The following CORIN variants were observed in gnomAD, a reference collection of about 807,000 sequenced individuals.
The protein encoded by CORIN is atrial natriuretic peptide-converting enzyme.
CORIN carries 117 observed loss-of-function variants against 125.3 expected under a neutral mutation model. The observed-to-expected ratio is 0.93, with a 90% confidence interval of 0.80 to 1.09. The LOEUF is 1.09. Among genes scored for constraint, CORIN ranks in the 50% least tolerant of loss-of-function variants. CORIN has a pLI of 0.00. For synonymous variants in CORIN, 450 were observed against 466.4 expected, an observed-to-expected ratio of 0.96 and a Z score of 0.45; for missense variants, 1,253 against 1,306.7, an observed-to-expected ratio of 0.96 and a Z score of 0.63.
At chr4:47,607,560 C>T (rs1237838150) in intron 19 of CORIN, among the ~76,000 whole-genome samples, 1 of 151,862 alleles carries the variant, frequency 6.6e-6, no homozygotes, top group East Asian at 1.9e-4. Context: ...CCTGTCAACC[C>T]GGGTATGGCA....
chr4:47,753,014 C>G (rs1728972770), intron 4 of CORIN, among the ~76,000 whole-genome samples: 1 of 152,126 alleles, frequency 6.6e-6, no homozygotes, highest in Non-Finnish European at 1.5e-5. Flanking sequence ...ATCGGGGGAA[C>G]CAGCCCCCAA....
intron 16 of CORIN, among the ~76,000 whole-genome samples, chr4:47,628,606 A>C (rs34131087): frequency 6.6e-6 from 1 of 151,728 alleles, no homozygotes; most frequent in Non-Finnish European, 1.5e-5. Flanking sequence ...GTACCCTTTG[A>C]CCATCTCCCC....
intron 19 of CORIN, among the ~76,000 whole-genome samples, chr4:47,619,970 A>G (rs1722241373): frequency 1.3e-5 from 2 of 152,212 alleles, no homozygotes; most frequent in Non-Finnish European, 2.9e-5. Flanking sequence ...TCTTCCAATA[A>G]TTCTGGATCT....
intron 20 of CORIN, among the ~76,000 whole-genome samples, chr4:47,602,011 C>T (rs933293680): frequency 1.3e-5 from 2 of 151,534 alleles, no homozygotes; most frequent in Non-Finnish European, 2.9e-5. Flanking sequence ...GCAGCACTTA[C>T]AGTTTTTTTT....
chr4:47,767,183 TCAA>T (rs1729794155), intron 3 of CORIN, among the ~76,000 whole-genome samples: 1 of 152,022 alleles, frequency 6.6e-6, no homozygotes, highest in Admixed American at 6.6e-5. Flanking sequence ...GAGGATGAAG[TCAA>T]TCTGCCCAGC....
At chr4:47,765,187 G>T (rs567158718) in intron 3 of CORIN, among the ~76,000 whole-genome samples, 15 of 151,582 alleles carry the variant, frequency 9.9e-5, no homozygotes, top group Non-Finnish European at 2.1e-4. Flanking sequence ...GGCGGGCGTT[G>T]TGGGGGGCGT....
At chr4:47,647,750 C>T (rs1305267054) in intron 13 of CORIN, among the ~76,000 whole-genome samples, 2 of 152,110 alleles carry the variant, frequency 1.3e-5, no homozygotes, top group African/African-American at 4.8e-5. Flanking sequence ...TTGTAAGATG[C>T]GAACATGAAG....
At chr4:47,783,308 A>G (rs148832088) in intron 3 of CORIN, among the ~76,000 whole-genome samples, 8 of 152,222 alleles carry the variant, frequency 5.3e-5, no homozygotes, top group Non-Finnish European at 5.9e-5. Flanking sequence ...CCTTTTTCAC[A>G]TTATAATTTG....
intron 1 of CORIN, among the ~76,000 whole-genome samples, chr4:47,825,891 A>G (rs1401784775): frequency 1.3e-5 from 2 of 151,342 alleles, no homozygotes; most frequent in African/African-American, 2.4e-5. Flanking sequence ...TTTAGTAGAG[A>G]CAGGGATTCA....
chr4:47,671,733 C>T (rs1399367105), intron 10 of CORIN, among the ~76,000 whole-genome samples: 10 of 152,088 alleles, frequency 6.6e-5, no homozygotes, highest in African/African-American at 1.7e-4. Context: ...TACAGGCGCC[C>T]GCCACCATGC....
At chr4:47,712,016 G>C (rs1726864662) in intron 5 of CORIN, among the ~76,000 whole-genome samples, 1 of 152,174 alleles carries the variant, frequency 6.6e-6, no homozygotes, top group African/African-American at 2.4e-5. Context: ...ATATAACTTT[G>C]AAATGCAGCC....
chr4:47,646,223 C>A (rs1318574559), intron 13 of CORIN, among the ~76,000 whole-genome samples: 1 of 152,126 alleles, frequency 6.6e-6, no homozygotes, highest in Non-Finnish European at 1.5e-5. Flanking sequence ...GTCTAGTGAT[C>A]TAAATGCATA....
intron 19 of CORIN, among the ~76,000 whole-genome samples, chr4:47,618,952 T>C (rs1290469531): frequency 6.6e-6 from 1 of 152,008 alleles, no homozygotes; most frequent in East Asian, 1.9e-4. Flanking sequence ...AATCAAGACA[T>C]GGGTGACATG....
Position 47,806,958 on chromosome 4 carries a change from C to A in CORIN, c.153G>T (p.Leu51=). 1 of 1,613,914 alleles carries A rather than the reference C, an allele frequency of 6.2e-7. No homozygotes were observed. Among genetic ancestry groups the A allele is most frequent in the Non-Finnish European group, 8.5e-7 (1 of 1,179,836 alleles). The stretch of plus-strand genomic sequence containing the variant: ...GAACGAGAGCACAGATACATGGAAT[C>A]AGGACCAGCAATAGGAACCGGAGGA... ...ANLLRFLLLV[L]IPCICALVLL... Residue 51 remains leucine, a synonymous_variant, in exon 2 of 22, where the codon CTG becomes CTT. Coordinates refer to ENST00000273857, the MANE Select transcript of CORIN (RefSeq NM_006587.4).
chr4:47,668,626 T>C (rs944225456), intron 10 of CORIN, among the ~76,000 whole-genome samples: 2 of 152,224 alleles, frequency 1.3e-5, no homozygotes, highest in Non-Finnish European at 2.9e-5. Context: ...ATACCCTCCG[T>C]TTCTTTCTTT....
At chr4:47,731,737 C>T (rs191214728) in intron 5 of CORIN, among the ~76,000 whole-genome samples, 8 of 152,066 alleles carry the variant, frequency 5.3e-5, no homozygotes, top group African/African-American at 7.2e-5. Context: ...GGTGTGGTGG[C>T]GCACACCTGT....
At chr4:47,657,445 G>A (rs752472634) in intron 12 of CORIN, among the ~76,000 whole-genome samples, 8 of 148,218 alleles carry the variant, frequency 5.4e-5, no homozygotes, top group African/African-American at 7.5e-5. Flanking sequence ...TGAGGCAGGA[G>A]AATGGCGAGA....
chr4:47,662,755 T>C (rs1189783371), intron 11 of CORIN, among the ~76,000 whole-genome samples: 2 of 152,126 alleles, frequency 1.3e-5, no homozygotes, highest in Non-Finnish European at 2.9e-5. Context: ...TAAGATAAAA[T>C]GGGAGACAGA....
chr4:47,820,531 T>C, intron 1 of CORIN, among the ~76,000 whole-genome samples: 1 of 152,080 alleles, frequency 6.6e-6, no homozygotes, highest in East Asian at 1.9e-4. Context: ...AATGAAAAAT[T>C]TGCTGTACAA....
Sources: allele counts gnomAD v4.1 joint callset (sites outside exome capture counted in the v4.1 genomes callset), GRCh38; gene constraint gnomAD v4.1.1; transcripts MANE v1.5; gene names NCBI Gene and HGNC (gene_info 2026-07-23, HGNC 2026-07-21).